DCTN4: variants seen among roughly 807,000 people sequenced by gnomAD.
DCTN4 encodes the protein dynactin subunit 4, also known as dynactin 4 (p62).
Under a neutral mutation model 62.7 loss-of-function variants are expected in DCTN4, and 23 were observed. The ratio of observed to expected loss-of-function variants is 0.37; its 90% CI spans 0.26 to 0.52. The LOEUF (loss-of-function observed/expected upper bound fraction) is 0.52, where lower values mean the gene tolerates loss of function less well. Ranked by LOEUF, DCTN4 falls within the 20% of genes least tolerant of loss-of-function variation. The pLI, the probability that DCTN4 is intolerant of heterozygous loss-of-function variation, is 0.92. For missense variants in DCTN4, 514 were observed against 580.4 expected (o/e 0.89, Z 1.18); for synonymous variants, 199 against 202.1 (o/e 0.98, Z 0.13).
intron 8 of DCTN4, among the ~76,000 whole-genome samples, chr5:150,728,817 T>C (rs74221021): frequency 0.14 from 20,634 of 152,002 alleles, 2,399 homozygotes; most frequent in African/African-American, 0.31. Flanking sequence ...ATTTAGTTCA[T>C]TGGTATTTAA....
intron 8 of DCTN4, among the ~76,000 whole-genome samples, chr5:150,723,186 A>G (rs761552767): frequency 1.3e-5 from 2 of 152,244 alleles, no homozygotes; most frequent in East Asian, 3.8e-4. Flanking sequence ...CCCACTATCC[A>G]ATATTATTAT....
intron 4 of DCTN4, among the ~76,000 whole-genome samples, chr5:150,737,353 A>T (rs901375301): frequency 7.9e-5 from 12 of 152,160 alleles, no homozygotes; most frequent in Non-Finnish European, 1.5e-5. Flanking sequence ...CTAAGATAGA[A>T]CATACGAGAG....
intron 2 of DCTN4, among the ~76,000 whole-genome samples, chr5:150,755,323 A>T (rs934132000): frequency 1.3e-5 from 2 of 152,222 alleles, no homozygotes; most frequent in African/African-American, 4.8e-5. Context: ...CCTCAAGGAC[A>T]GGGGAGCATA....
At chr5:150,749,271 A>C (rs909196936) in intron 3 of DCTN4, among the ~76,000 whole-genome samples, 2 of 152,236 alleles carry the variant, frequency 1.3e-5, no homozygotes, top group African/African-American at 4.8e-5. Context: ...AACCAAATCA[A>C]AACAAACCAA....
intron 3 of DCTN4, among the ~76,000 whole-genome samples, chr5:150,743,333 G>A (rs1246311364): frequency 6.6e-6 from 1 of 152,084 alleles, no homozygotes; most frequent in East Asian, 1.9e-4. Flanking sequence ...AGCTCAAGGA[G>A]GCCTGCCTGC....
chr5:150,726,922 T>C (rs1760165155), intron 8 of DCTN4, among the ~76,000 whole-genome samples: 1 of 152,228 alleles, frequency 6.6e-6, no homozygotes, highest in South Asian at 2.1e-4. Flanking sequence ...TTTGAAGTAA[T>C]TGTGACCACA....
At chr5:150,739,346 C>T (rs963088866) in intron 4 of DCTN4, among the ~76,000 whole-genome samples, 3 of 152,080 alleles carry the variant, frequency 2.0e-5, no homozygotes, top group South Asian at 2.1e-4. Context: ...AAAACAAAAA[C>T]AAAATGCTTA....
rs767017530 is a variant in DCTN4 at position 150,758,849 on chromosome 5, ACT to A, written c.135+8_135+9del. ...CACCCCACATACTCGCTATAGGGCG[ACT>A]CTGTTACCTCGTGAGACACACATTC... On this transcript the variant is annotated splice_region_variant and intron_variant, in intron 1 of 12. Coordinates refer to ENST00000447998, the MANE Select transcript of DCTN4 (RefSeq NM_016221.4). 1.2e-6 allele frequency: 2 copies of A among 1,612,034 alleles called. No homozygotes were observed. The highest frequency in any genetic ancestry group is 1.3e-5 in the African/African-American group (1 of 74,848).
chr5:150,713,530 G>A lies in DCTN4; in HGVS notation c.1169+2035C>T, dbSNP rs552341282. On this transcript the variant is annotated intron_variant, in intron 12 of 12. Transcript: ENST00000447998. ...GTGATCTGAGTTCACTGCAACCCCC[G>A]CCCCTAGGGTTCAAGTGATTCTCCC... 5.4e-4 allele frequency among the ~76,000 whole-genome samples: 79 copies of A among 145,398 alleles called. 1 individual carries two copies. The highest frequency in any genetic ancestry group is 1.9e-3 in the African/African-American group (74 of 39,216).
chr5:150,720,378 A>AC (rs1554117910), intron 9 of DCTN4, among the ~76,000 whole-genome samples: 2 of 151,974 alleles, frequency 1.3e-5, no homozygotes, highest in African/African-American at 2.4e-5. Context: ...TCTCAAAAAA[A>AC]ACACACACAC....
chr5:150,738,421 T>A (rs1294802867), intron 4 of DCTN4, among the ~76,000 whole-genome samples: 1 of 152,172 alleles, frequency 6.6e-6, no homozygotes, highest in Admixed American at 6.5e-5. Flanking sequence ...TACACCATGA[T>A]CAAGTGGGTT....
intron 4 of DCTN4, among the ~76,000 whole-genome samples, chr5:150,741,694 C>T (rs557428690): frequency 6.0e-5 from 9 of 149,798 alleles, no homozygotes; most frequent in Admixed American, 2.7e-4. Flanking sequence ...ATTGCCCAGG[C>T]TGGTCTTGAA....
At position 150,715,646 on chromosome 5, in the gene DCTN4, T is replaced by C. The variant is rs770622184; in HGVS notation, c.1088A>G (p.Lys363Arg). ...ATCCTTGCCAGCTAAAACGAGCTCT[T>C]TGGGAGGCACCACCACCTGGAGAGC... ...NSTAKVVVPP[K>R]ELVLAGKDAA... is the part of the protein sequence containing the mutation. The change falls in exon 12 of 13, where the codon AAA (lysine) becomes AGA (arginine). Residue 363 changes from lysine to arginine, a missense_variant. Coordinates refer to ENST00000447998, the MANE Select transcript of DCTN4 (RefSeq NM_016221.4). 13 of 1,613,960 alleles carry C rather than the reference T, an allele frequency of 8.1e-6. No homozygotes were observed. Among genetic ancestry groups the C allele is most frequent in the Middle Eastern group, 1.6e-4 (1 of 6,082 alleles).
At chr5:150,743,968 G>C (rs184106229) in intron 3 of DCTN4, among the ~76,000 whole-genome samples, 233 of 152,302 alleles carry the variant, frequency 1.5e-3, no homozygotes, top group African/African-American at 5.3e-3. Context: ...GAGAGAAGAA[G>C]GCTTCAGACA....
chr5:150,758,762 A>G, intron 1 of DCTN4, 97 bp downstream of exon 1: 4 of 1,518,224 alleles, frequency 2.6e-6, no homozygotes, highest in Non-Finnish European at 3.6e-6. Flanking sequence ...ACCAATCAGT[A>G]AGGAAGGAAA....
chr5:150,715,625 T>C lies in DCTN4; in HGVS notation c.1109A>G (p.Lys370Arg), dbSNP rs754863715. 9.3e-6 allele frequency: 15 copies of C among 1,614,042 alleles called. No homozygotes were observed. The Middle Eastern group carries it at 6.6e-4, about 71-fold the overall frequency. The change falls in exon 12 of 13, where the codon AAG (lysine) becomes AGG (arginine). Residue 370 changes from lysine (K) to arginine (R), a missense_variant. Physicochemically the swap from Lys to Arg is conservative, Grantham distance 26. Transcript: ENST00000447998. ...VPPKELVLAG[K>R]DAAAEYDELA... ...CTCATCGTACTCTGCTGCTGCATCC[T>C]TGCCAGCTAAAACGAGCTCTTTGGG...
intron 4 of DCTN4, among the ~76,000 whole-genome samples, chr5:150,734,996 G>A (rs946257298): frequency 1.3e-5 from 2 of 152,140 alleles, no homozygotes; most frequent in African/African-American, 4.8e-5. Flanking sequence ...CCTGCCCAAG[G>A]AGATTCTGAG....
rs1170853315 is a variant in DCTN4, at chr5:150,722,939, C to T, written c.876G>A (p.Thr292=). ...CCAGCTGGATTTTGAATTTGATTGACGTTGGGTTAAATTCTGGCTTGCTCA... is the reference window on the plus strand; with the variant it reads ...CCAGCTGGATTTTGAATTTGATTGATGTTGGGTTAAATTCTGGCTTGCTCA... The part of the protein sequence containing the change: ...HNLSKPEFNP[T]SIKFKIQLVA... The change falls in exon 9 of 13, where the codon ACG becomes ACA. Residue 292 remains threonine, a synonymous_variant. Transcript: ENST00000447998. The T allele has an allele frequency of 5.6e-6, 9 of 1,612,514 alleles. No homozygotes were observed. The highest frequency in any genetic ancestry group is 3.3e-5 in the Admixed American group (2 of 59,794).
At chr5:150,730,978 T>C (rs925381364) in intron 7 of DCTN4, 66 bp downstream of exon 7, 21 of 1,006,156 alleles carry the variant, frequency 2.1e-5, no homozygotes, top group Middle Eastern at 2.1e-4. Context: ...AATCACTAGG[T>C]ACATAAATAA....
Sources: gnomAD v4.1 joint callset for allele counts (sites outside exome capture counted in the v4.1 genomes callset) on GRCh38, gnomAD v4.1.1 for gene constraint, MANE v1.5 for transcripts, NCBI Gene and HGNC (gene_info 2026-07-23, HGNC 2026-07-21) for gene names.